SAXO1: variants seen among roughly 807,000 people sequenced by gnomAD.
SAXO1 encodes 4930500O09Rik.
Under a neutral mutation model 17.5 loss-of-function variants are expected in SAXO1, and 21 were observed. The observed-to-expected ratio is 1.20, with a 90% CI of 0.85 to 1.72. The LOEUF is 1.72. Ranked by LOEUF, SAXO1 falls within the 40% of genes most tolerant of loss-of-function variation. The pLI, the probability that SAXO1 is intolerant of heterozygous loss-of-function variation, is 0.00. For missense variants in SAXO1, 843 were observed against 596.0 expected (o/e 1.41, Z -4.32); for synonymous variants, 274 against 216.5 (o/e 1.27, Z -2.33).
chr9:18,997,269 C>A (rs1286898544), intron 1 of SAXO1, among the ~76,000 whole-genome samples: 9 of 152,260 alleles, frequency 5.9e-5, no homozygotes, highest in African/African-American at 2.2e-4. Flanking sequence ...ACAGTCTTCA[C>A]AACCAGCAGA....
At chr9:18,957,932 C>A (rs1773367925) in intron 1 of SAXO1, among the ~76,000 whole-genome samples, 1 of 152,196 alleles carries the variant, frequency 6.6e-6, no homozygotes, top group Middle Eastern at 3.4e-3. Context: ...TACCCAGAGG[C>A]CAAAGGACAA....
rs534490857 is a variant in SAXO1, at chr9:19,026,753, G to A, written c.38+6118C>T. On this transcript the variant is annotated intron_variant, in intron 1 of 3. Transcript: ENST00000380534. ...GTTTAATATTATAAAATGCTGGGCC[G>A]GGCGTGGTAGCTCACACCTGTAGTC... 2.5e-4 allele frequency: 103 copies of A among 409,288 alleles called. No individual in the cohort carries two copies. The Middle Eastern group carries it at 3.7e-3, about 15-fold the overall frequency. The allele number at this position is 409,288 out of a possible 1,614,324, so 25.4% of individuals were successfully genotyped here. A position where few individuals can be genotyped will look rare whatever the true frequency, so the allele number is the denominator to read the frequency against.
At chr9:19,039,067 A>C (rs1836013737) in intron 1 of SAXO1, among the ~76,000 whole-genome samples, 1 of 152,074 alleles carries the variant, frequency 6.6e-6, no homozygotes, top group Non-Finnish European at 1.5e-5. Flanking sequence ...TCTTTACAGA[A>C]CATTGTTTAA....
intron 1 of SAXO1, among the ~76,000 whole-genome samples, chr9:19,044,753 C>A (rs961986878): frequency 6.6e-5 from 10 of 151,806 alleles, no homozygotes; most frequent in Non-Finnish European, 1.0e-4. Flanking sequence ...GTCCCAGCTA[C>A]TTGGGAGGCT....
chr9:18,929,235 C>T (rs1830928486), intron 3 of SAXO1, among the ~76,000 whole-genome samples, 180 bp from the exon 4 acceptor site: 1 of 152,212 alleles, frequency 6.6e-6, no homozygotes, highest in Non-Finnish European at 1.5e-5. Flanking sequence ...CTTTATGGTA[C>T]TTGCAGGCAG....
chr9:18,968,980 G>A (rs534851805), intron 1 of SAXO1, among the ~76,000 whole-genome samples: 1 of 152,238 alleles, frequency 6.6e-6, no homozygotes, highest in African/African-American at 2.4e-5. Flanking sequence ...GGCTGGGATT[G>A]ATGGATGAAC....
Position 19,045,170 on chromosome 9 carries a change from C to G in SAXO1, c.-158+4039G>C, listed in dbSNP as rs538114314. 3.6e-4 allele frequency among the ~76,000 whole-genome samples: 53 copies of G among 147,630 alleles called. No individual in the cohort carries two copies. The East Asian group carries it at 8.6e-3, about 24-fold the overall frequency. On this transcript the variant is annotated intron_variant, in intron 1 of 3. Coordinates refer to the SAXO1 transcript ENST00000542071. ...CTAAAAATACAAAAAATTAGCCGGG[C>G]GCGGTGGCGGGCGCCTGTAGTCCCA...
chr9:18,989,558 A>G (rs1264177019), intron 1 of SAXO1, among the ~76,000 whole-genome samples: 2 of 34,890 alleles, frequency 5.7e-5, no homozygotes, highest in Non-Finnish European at 1.1e-4. Context: ...GCCATTATGC[A>G]CACACACACA....
At chr9:19,048,978 G>C (rs1452272350) in intron 1 of SAXO1, among the ~76,000 whole-genome samples, 1 of 152,204 alleles carries the variant, frequency 6.6e-6, no homozygotes, top group East Asian at 1.9e-4. Flanking sequence ...CTCACTTTCC[G>C]CGCCTGCACA....
Position 19,032,883 on chromosome 9 carries a change from A to C in SAXO1, c.26T>G (p.Leu9Arg). 6.2e-7 allele frequency: 1 copy of C among 1,610,794 alleles called. No individual in the cohort carries two copies. The highest frequency in any genetic ancestry group is 8.5e-7 in the Non-Finnish European group (1 of 1,179,774). MKTKCICE[L>R]CSCGRHHCPH... Reference sequence around the variant, plus strand: ...GTGGCCACCTTACCCGCAGGAGCACAGTTCACAGATGCACTTCGTCTTCAT... The same window carrying C: ...GTGGCCACCTTACCCGCAGGAGCACCGTTCACAGATGCACTTCGTCTTCAT... Residue 9 changes from leucine to arginine, a missense_variant, in exon 1 of 4, where the codon CTG becomes CGG. Coordinates refer to ENST00000380534, the MANE Select transcript of SAXO1 (RefSeq NM_153707.4).
At chr9:18,991,093 A>G (rs1181287498) in intron 1 of SAXO1, among the ~76,000 whole-genome samples, 2 of 152,114 alleles carry the variant, frequency 1.3e-5, no homozygotes, top group Non-Finnish European at 2.9e-5. Context: ...CCCTGTCTCT[A>G]CCAAAAACAC....
chr9:18,968,475 C>A (rs1832815275), intron 1 of SAXO1, among the ~76,000 whole-genome samples: 1 of 152,146 alleles, frequency 6.6e-6, no homozygotes, highest in Admixed American at 6.5e-5. Flanking sequence ...TTGTTATACA[C>A]TTGAAGTTTT....
intron 3 of SAXO1, among the ~76,000 whole-genome samples, chr9:18,931,728 T>A (rs959462589): frequency 2.0e-5 from 3 of 152,200 alleles, no homozygotes; most frequent in Non-Finnish European, 4.4e-5. Context: ...CAATGGGTAT[T>A]TAGTAGTATC....
chr9:18,976,814 C>A (rs139152995), intron 1 of SAXO1, among the ~76,000 whole-genome samples: 1 of 152,172 alleles, frequency 6.6e-6, no homozygotes, highest in Admixed American at 6.5e-5. Context: ...TGATAAGAAA[C>A]TGGTTTAGCT....
chr9:18,995,780 CA>C (rs1201441046), intron 1 of SAXO1, among the ~76,000 whole-genome samples: 2 of 151,994 alleles, frequency 1.3e-5, no homozygotes, highest in African/African-American at 4.8e-5. Flanking sequence ...TTTTCCTTTC[CA>C]AAAGTTTTAT....
intron 1 of SAXO1, among the ~76,000 whole-genome samples, chr9:19,000,269 G>A (rs1157592032): frequency 6.6e-6 from 1 of 151,472 alleles, no homozygotes; most frequent in African/African-American, 2.4e-5. Context: ...ACTGGGACGT[G>A]AGGAGCGCCT....
chr9:19,037,854 A>G (rs1466562131), upstream of SAXO1, among the ~76,000 whole-genome samples: 1 of 152,210 alleles, frequency 6.6e-6, no homozygotes, highest in South Asian at 2.1e-4. Flanking sequence ...ACATAAATCT[A>G]TCATGCCCAT....
Position 19,002,123 on chromosome 9 carries a change from A to C in SAXO1, c.38+30748T>G, listed in dbSNP as rs112667571. Among the ~76,000 whole-genome samples, 460 of 152,256 alleles carry C rather than the reference A, an allele frequency of 3.0e-3. 8 individuals are homozygous for C. In the South Asian group the frequency reaches 0.044, roughly 15 times the overall value. On this transcript the variant is annotated intron_variant, in intron 1 of 3. Transcript: ENST00000380534. ...TCAGAGAATACTATAAACACCTCTA[A>C]ACAAATAAACTATAAAGTCTGGAAG...
At chr9:19,043,344 T>G (rs2131073624) in intron 1 of SAXO1, among the ~76,000 whole-genome samples, 1 of 152,194 alleles carries the variant, frequency 6.6e-6, no homozygotes, top group Admixed American at 6.5e-5. Flanking sequence ...AGCTGAAAAT[T>G]AAAACAATTG....
Sources: gnomAD v4.1 joint callset for allele counts (sites outside exome capture counted in the v4.1 genomes callset) on GRCh38, gnomAD v4.1.1 for gene constraint, MANE v1.5 for transcripts, NCBI Gene and HGNC (gene_info 2026-07-23, HGNC 2026-07-21) for gene names.